CCSER1: variants seen among roughly 807,000 people sequenced by gnomAD.
CCSER1 encodes serine-rich coiled-coil domain-containing protein 1.
CCSER1 carries 41 observed loss-of-function variants against 82.0 expected under a neutral mutation model. The observed-to-expected ratio is 0.50, with a 90% confidence interval of 0.39 to 0.65. The LOEUF (loss-of-function observed/expected upper bound fraction) is 0.65. Among genes scored for constraint, CCSER1 ranks in the 30% least tolerant of loss-of-function variants. The pLI is 0.00. For missense variants in CCSER1, 1,119 were observed against 1,064.2 expected (o/e 1.05, Z -0.72); for synonymous variants, 414 against 383.9 (o/e 1.08, Z -0.92).
At chr4:90,232,488 A>T (rs1430667384) in intron 1 of CCSER1, among the ~76,000 whole-genome samples, 3 of 152,056 alleles carry the variant, frequency 2.0e-5, no homozygotes, top group Non-Finnish European at 4.4e-5. Context: ...TGGATTAAAG[A>T]CTTAAATGTT....
intron 9 of CCSER1, among the ~76,000 whole-genome samples, chr4:90,996,639 C>T (rs1166630456): frequency 6.6e-6 from 1 of 152,086 alleles, no homozygotes; most frequent in African/African-American, 2.4e-5. Context: ...AAATTTCTCA[C>T]CACCAAAATT....
chr4:90,652,868 A>G (rs1255915927), intron 6 of CCSER1, among the ~76,000 whole-genome samples: 1 of 152,060 alleles, frequency 6.6e-6, no homozygotes, highest in Non-Finnish European at 1.5e-5. Context: ...GTTTCTCTGT[A>G]TCCTCAAAAT....
chr4:90,719,602 T>C (rs1406772616), intron 6 of CCSER1, among the ~76,000 whole-genome samples: 1 of 152,168 alleles, frequency 6.6e-6, no homozygotes, highest in Non-Finnish European at 1.5e-5. Flanking sequence ...TGTTAAGCAC[T>C]GATTAGGTTT....
intron 10 of CCSER1, among the ~76,000 whole-genome samples, chr4:91,106,718 C>CT (rs1725655509): frequency 6.6e-6 from 1 of 152,174 alleles, no homozygotes; most frequent in Admixed American, 6.5e-5. Flanking sequence ...TTCTATTTCT[C>CT]TTTTCTCAAA....
intron 10 of CCSER1, among the ~76,000 whole-genome samples, chr4:91,328,206 T>C (rs887156838): frequency 6.6e-6 from 1 of 152,178 alleles, no homozygotes; most frequent in Non-Finnish European, 1.5e-5. Context: ...ATTTTCACAC[T>C]GCTATAAAGA....
At position 91,268,744 on chromosome 4, in the gene CCSER1, C is replaced by T. The variant is rs544034410; in HGVS notation, c.2217+182750C>T. ...GGGGTTTTTCTCTTACAGGCAGGGGCGGGGTCACAAGGTGCTCAGCAGGGG... is the reference window on the plus strand; with the variant it reads ...GGGGTTTTTCTCTTACAGGCAGGGGTGGGGTCACAAGGTGCTCAGCAGGGG... On this transcript the variant is annotated intron_variant, in intron 10 of 10. Coordinates refer to ENST00000509176, the MANE Select transcript of CCSER1 (RefSeq NM_001145065.2). Among the ~76,000 whole-genome samples the T allele has an allele frequency of 1.4e-4, 22 of 151,966 alleles. No homozygotes were observed. The East Asian group carries it at 1.9e-3, about 13-fold the overall frequency.
intron 9 of CCSER1, among the ~76,000 whole-genome samples, chr4:90,996,791 C>T (rs1401590116): frequency 6.6e-6 from 1 of 152,032 alleles, no homozygotes; most frequent in Non-Finnish European, 1.5e-5. Flanking sequence ...CTTTTATTAA[C>T]TCAGTATAAT....
chr4:91,139,811 C>A (rs1728854152), intron 10 of CCSER1, among the ~76,000 whole-genome samples: 2 of 152,034 alleles, frequency 1.3e-5, no homozygotes, highest in Admixed American at 1.3e-4. Context: ...AGAGCAATAC[C>A]AATTGCTTCT....
At chr4:90,277,737 A>C (rs1325142679) in intron 1 of CCSER1, among the ~76,000 whole-genome samples, 1 of 152,088 alleles carries the variant, frequency 6.6e-6, no homozygotes, top group African/African-American at 2.4e-5. Flanking sequence ...CCTAGAAGAA[A>C]GCCTAGGAAG....
chr4:91,451,749 A>T (rs1180512193), intron 10 of CCSER1, among the ~76,000 whole-genome samples: 1 of 152,054 alleles, frequency 6.6e-6, no homozygotes, highest in Non-Finnish European at 1.5e-5. Flanking sequence ...ACTTGGGTGG[A>T]ATTAATAGCA....
intron 5 of CCSER1, among the ~76,000 whole-genome samples, chr4:90,600,646 G>C (rs1390399536): frequency 3.3e-5 from 5 of 151,908 alleles, no homozygotes; most frequent in African/African-American, 1.2e-4. Context: ...TTGAAATTAA[G>C]TAGCACTAGT....
chr4:90,639,582 G>A (rs892869211), intron 6 of CCSER1, among the ~76,000 whole-genome samples: 4 of 151,960 alleles, frequency 2.6e-5, no homozygotes, highest in African/African-American at 9.7e-5. Context: ...GTGTTTTTTT[G>A]AAGTCTTGTC....
chr4:90,791,947 A>C (rs529826855), intron 7 of CCSER1, among the ~76,000 whole-genome samples: 1 of 152,224 alleles, frequency 6.6e-6, no homozygotes, highest in Non-Finnish European at 1.5e-5. Context: ...CATCAAAATA[A>C]AACAGTTTAT....
chr4:91,469,004 G>A (rs1757114474), intron 10 of CCSER1, among the ~76,000 whole-genome samples: 1 of 152,042 alleles, frequency 6.6e-6, no homozygotes, highest in African/African-American at 2.4e-5. Context: ...ACAGTCCACT[G>A]CTCAAAATAG....
At chr4:90,950,483 C>T (rs1342163541) in intron 9 of CCSER1, among the ~76,000 whole-genome samples, 1 of 151,906 alleles carries the variant, frequency 6.6e-6, no homozygotes. Context: ...AATATAGAAA[C>T]TCTTAAAACA....
chr4:91,136,515 T>A (rs1369837945), intron 10 of CCSER1, among the ~76,000 whole-genome samples: 1 of 152,194 alleles, frequency 6.6e-6, no homozygotes, highest in Non-Finnish European at 1.5e-5. Flanking sequence ...ATGGATACCC[T>A]AAAGTCTTTC....
chr4:91,086,619 C>G (rs1357374385), intron 10 of CCSER1, among the ~76,000 whole-genome samples: 1 of 151,936 alleles, frequency 6.6e-6, no homozygotes, highest in Admixed American at 6.6e-5. Flanking sequence ...AACATTCTAA[C>G]TGCACAAAAA....
At chr4:90,210,767 TA>T (rs1360881850) in intron 1 of CCSER1, among the ~76,000 whole-genome samples, 2 of 152,156 alleles carry the variant, frequency 1.3e-5, no homozygotes, top group African/African-American at 4.8e-5. Flanking sequence ...TCATTTCTAA[TA>T]AAATAAAAGA....
chr4:90,248,737 G>A (rs1030258390), intron 1 of CCSER1, among the ~76,000 whole-genome samples: 3 of 144,772 alleles, frequency 2.1e-5, no homozygotes, highest in Non-Finnish European at 4.5e-5. Flanking sequence ...TCACTCTGTT[G>A]CCCAGGCTGG....
Sources: gnomAD v4.1 joint callset for allele counts (sites outside exome capture counted in the v4.1 genomes callset) on GRCh38, gnomAD v4.1.1 for gene constraint, MANE v1.5 for transcripts, NCBI Gene and HGNC (gene_info 2026-07-23, HGNC 2026-07-21) for gene names.